The following SCN2A variants were observed in gnomAD, a reference collection of about 807,000 sequenced individuals.
SCN2A encodes the protein sodium channel protein type 2 subunit alpha.
In SCN2A, 20 loss-of-function variants were observed where a neutral mutation model predicts 188.7. The observed-to-expected ratio is 0.11, with a 90% CI of 0.07 to 0.15. The LOEUF (loss-of-function observed/expected upper bound fraction) is 0.15. Ranked by LOEUF, SCN2A falls within the 10% of genes least tolerant of loss-of-function variation. The pLI is 1.00. For synonymous variants in SCN2A, 804 were observed against 833.1 expected, an observed-to-expected ratio of 0.97 and a Z score of 0.60; for missense variants, 1,278 against 2,445.0, an observed-to-expected ratio of 0.52 and a Z score of 10.07.
chr2:165,265,471 CTATATATATATATATATATATATATA>C lies in SCN2A; in HGVS notation c.-52+25851_-52+25876del, dbSNP rs1178289931. Among the ~76,000 whole-genome samples, 119 of 29,024 alleles carry C rather than the reference CTATATATATATATATATATATATATA, an allele frequency of 4.1e-3. 6 individuals carry two copies. The highest frequency in any genetic ancestry group is 0.011 in the African/African-American group (87 of 7,992). 19.0% of individuals were successfully genotyped at this position (29,024 alleles called of 152,430 possible). ...TAGGTTATGTGTTTACTCTGTTGAT[CTATATATATATATATATATATATATA>C]TATATATATATATATATATTGCTGT... On this transcript the variant is annotated intron_variant, in intron 1 of 26. Transcript: ENST00000375437.
chr2:165,323,307 G>T lies in SCN2A; in HGVS notation c.1823G>T (p.Arg608Ile). ...HSTFEDNDSR[R>I]DSLFVPHRHG... is the part of the protein sequence containing the mutation. ...ACCTTTGAGGACAATGACAGCCGAA[G>T]AGACTCTCTGTTCGTGCCGCACAGA... The change falls in exon 12 of 27, where the codon AGA (arginine) becomes ATA (isoleucine). Residue 608 changes from arginine (R) to isoleucine (I), a missense_variant. Around this residue, in one of 17 missense-constraint regions of SCN2A, gnomAD observed 315 missense variants for 386.6 expected, o/e 0.81. Coordinates refer to ENST00000375437, the MANE Select transcript of SCN2A (RefSeq NM_001040142.2). 6.2e-7 allele frequency: 1 copy of T among 1,614,210 alleles called. No homozygotes were observed. The highest frequency in any genetic ancestry group is 8.5e-7 in the Non-Finnish European group (1 of 1,180,036).
intron 1 of SCN2A, among the ~76,000 whole-genome samples, chr2:165,292,553 C>G (rs1696270146): frequency 6.6e-6 from 1 of 152,050 alleles, no homozygotes; most frequent in Non-Finnish European, 1.5e-5. Context: ...ATGTTTAGCT[C>G]CCACTTATAA....
intron 25 of SCN2A, among the ~76,000 whole-genome samples, chr2:165,381,627 A>C (rs1701606873): frequency 6.6e-6 from 1 of 151,976 alleles, no homozygotes; most frequent in Admixed American, 6.6e-5. Flanking sequence ...GATTGAATGG[A>C]ATCATTAATG....
At chr2:165,268,772 C>G (rs184303518) in intron 1 of SCN2A, 38 of 151,874 alleles carry the variant, frequency 2.5e-4, no homozygotes, top group African/African-American at 8.4e-4. Context: ...CACACACACA[C>G]GCACACACAC....
intron 1 of SCN2A, among the ~76,000 whole-genome samples, chr2:165,261,978 C>T (rs954925827): frequency 6.6e-6 from 1 of 152,024 alleles, no homozygotes; most frequent in Non-Finnish European, 1.5e-5. Context: ...AAAAAGGGTG[C>T]AATACAAACT....
chr2:165,291,494 T>TTTCTTTCTCTCTTTCTTTCTTTC (rs1559340326), intron 1 of SCN2A, among the ~76,000 whole-genome samples: 1 of 36,600 alleles, frequency 2.7e-5, no homozygotes, highest in African/African-American at 1.0e-4. Flanking sequence ...TTCTTTCTTT[T>TTTCTTTCTCTCTTTCTTTCTTTC]CTTTCTTTCT....
At chr2:165,319,757 A>T (rs551440163) in intron 11 of SCN2A, among the ~76,000 whole-genome samples, 1 of 152,338 alleles carries the variant, frequency 6.6e-6, no homozygotes, top group South Asian at 2.1e-4. Flanking sequence ...CCATGAGAAC[A>T]GTATGGGGAA....
At chr2:165,347,993 A>T (rs1262143676) in intron 16 of SCN2A, among the ~76,000 whole-genome samples, 2 of 152,156 alleles carry the variant, frequency 1.3e-5, no homozygotes, top group African/African-American at 4.8e-5. Flanking sequence ...ATATGAAGTA[A>T]TTACACCGAG....
In SCN2A at chr2:165,374,951, G is replaced by C; in HGVS notation, c.4239G>C (p.Leu1413=). Residue 1413 remains leucine (L), a synonymous_variant, in exon 22 of 27, where the codon CTG becomes CTC. Transcript: ENST00000375437. ...VNFDNVGLGY[L]SLLQVATFKG... ...TTGATAACGTAGGACTTGGATATCT[G>C]TCTCTACTTCAAGTAGTAAGTAATC... The C allele has an allele frequency of 6.2e-7, 1 of 1,612,970 alleles. No individual in the cohort carries two copies. The highest frequency in any genetic ancestry group is 8.5e-7 in the Non-Finnish European group (1 of 1,179,282).
intron 16 of SCN2A, among the ~76,000 whole-genome samples, chr2:165,349,714 A>G (rs1415024945): frequency 6.6e-6 from 1 of 152,204 alleles, no homozygotes; most frequent in East Asian, 1.9e-4. Flanking sequence ...ACTATCAGTT[A>G]AAATAACTTC....
chr2:165,296,066 G>T lies in SCN2A; in HGVS notation c.243G>T (p.Leu81=). ...PEMVSVPLED[L]DPYYINKKTF... Reference sequence around the variant, plus strand: ...TGGTGTCAGTGCCCCTGGAGGATCTGGACCCCTACTATATCAATAAGAAAG... The same window carrying T: ...TGGTGTCAGTGCCCCTGGAGGATCTTGACCCCTACTATATCAATAAGAAAG... The change falls in exon 2 of 27, where the codon CTG becomes CTT. Residue 81 remains leucine, a synonymous_variant. Transcript: ENST00000375437. 6.2e-7 allele frequency: 1 copy of T among 1,613,672 alleles called. No homozygotes were observed. The highest frequency in any genetic ancestry group is 8.5e-7 in the Non-Finnish European group (1 of 1,179,986).
Position 165,342,479 on chromosome 2 carries a change from CTG to C in SCN2A, c.2562+11_2562+12del, listed in dbSNP as rs772278178. ...CCGATCATTCCGGCTGGTAAATTAA[CTG>C]GGAGTGTTCATAAAATGTACTTTGT... On this transcript the variant is annotated intron_variant, in intron 15 of 26. Transcript: ENST00000375437. The C allele has an allele frequency of 6.2e-7, 1 of 1,613,726 alleles. No individual in the cohort carries two copies. Among genetic ancestry groups the C allele is most frequent in the Admixed American group, 1.7e-5 (1 of 60,004 alleles).
Position 165,295,892 on chromosome 2 carries a change from T to G in SCN2A, c.69T>G (p.Ala23=), listed in dbSNP as rs773988733. 5 of 1,614,184 alleles carry G rather than the reference T, an allele frequency of 3.1e-6. No individual in the cohort carries two copies. In the South Asian group the frequency reaches 4.4e-5, roughly 14 times the overall value. Residue 23 remains alanine (A), a synonymous_variant, in exon 2 of 27, where the codon GCT becomes GCG. Coordinates refer to ENST00000375437, the MANE Select transcript of SCN2A (RefSeq NM_001040142.2). ...SFRFFTRESL[A]AIEQRIAEEK... Reference sequence around the variant, plus strand: ...GCTTCTTTACCAGGGAATCCCTTGCTGCTATTGAACAACGCATTGCAGAAG... The same window carrying G: ...GCTTCTTTACCAGGGAATCCCTTGCGGCTATTGAACAACGCATTGCAGAAG...
At chr2:165,279,205 A>C (rs1695479958) in intron 1 of SCN2A, among the ~76,000 whole-genome samples, 1 of 152,200 alleles carries the variant, frequency 6.6e-6, no homozygotes, top group Admixed American at 6.5e-5. Context: ...GTGTCCCAAG[A>C]GTTCTGAAGG....
chr2:165,288,931 T>C (rs1346157473), intron 1 of SCN2A, among the ~76,000 whole-genome samples: 2 of 152,088 alleles, frequency 1.3e-5, no homozygotes, highest in Non-Finnish European at 2.9e-5. Flanking sequence ...ATTACTGTAA[T>C]GTACCAAAGA....
intron 1 of SCN2A, among the ~76,000 whole-genome samples, chr2:165,284,032 C>T (rs1244052723): frequency 6.6e-6 from 1 of 151,418 alleles, no homozygotes; most frequent in African/African-American, 2.4e-5. Flanking sequence ...CTCTCCTTCA[C>T]TCCTCTCTAG....
At chr2:165,252,135 A>G (rs1338822176) in intron 1 of SCN2A, among the ~76,000 whole-genome samples, 1 of 152,110 alleles carries the variant, frequency 6.6e-6, no homozygotes, top group Non-Finnish European at 1.5e-5. Context: ...TAAGTACGAA[A>G]AAAAAATAGA....
chr2:165,315,693 G>T lies in SCN2A; in HGVS notation c.1606G>T (p.Gly536Cys). ...SESEDSIRRK[G>C]FRFSLEGSRL... ...ATCTGAAGACAGCATAAGAAGAAAA[G>T]GTTTCCGTTTTTCCTTGGAAGGAAG... The change falls in exon 11 of 27, where the codon GGT becomes TGT. Residue 536 changes from glycine (G) to cysteine (C), a missense_variant. Gly to Cys is a radical substitution (Grantham distance 159). Transcript: ENST00000375437. 2 of 1,613,540 alleles carry T rather than the reference G, an allele frequency of 1.2e-6. No individual in the cohort carries two copies. Among genetic ancestry groups the T allele is most frequent in the Non-Finnish European group, 1.7e-6 (2 of 1,179,884 alleles).
chr2:165,381,907 G>T (rs186328268), intron 25 of SCN2A, among the ~76,000 whole-genome samples: 1 of 151,918 alleles, frequency 6.6e-6, no homozygotes, highest in Non-Finnish European at 1.5e-5. Flanking sequence ...ACGTATACGT[G>T]GTATAAAACA....
Sources: allele counts gnomAD v4.1 joint callset (sites outside exome capture counted in the v4.1 genomes callset), GRCh38; gene constraint gnomAD v4.1.1; regional missense constraint gnomAD v4.1.1; transcripts MANE v1.5; gene names NCBI Gene and HGNC (gene_info 2026-07-23, HGNC 2026-07-21).